CHST7: variants seen among roughly 807,000 people sequenced by gnomAD.
CHST7 encodes N-acetylglucosamine 6-O-sulfotransferase 4.
Under a neutral mutation model 9.0 loss-of-function variants are expected in CHST7, and 5 were observed. The ratio of observed to expected loss-of-function variants is 0.56; its 90% CI spans 0.29 to 1.17. The LOEUF is 1.17. CHST7 is among the 50% of genes most tolerant of loss of function. The pLI, the probability that CHST7 is intolerant of heterozygous loss-of-function variation, is 0.08. For missense variants in CHST7, 377 were observed against 485.1 expected (o/e 0.78, Z 2.09); for synonymous variants, 244 against 237.1 (o/e 1.03, Z -0.27).
At chrX:46,576,435 G>A (rs1942499957) in intron 1 of CHST7, among the ~76,000 whole-genome samples, 1 of 111,297 alleles carries the variant, frequency 9.0e-6, no homozygotes, top group African/African-American at 3.3e-5. Context: ...CCTCTTTTTT[G>A]TTTTTCCATT....
At chrX:46,588,321 C>A (rs1007214723) in intron 1 of CHST7, among the ~76,000 whole-genome samples, 3 of 111,283 alleles carry the variant, frequency 2.7e-5, no homozygotes, top group African/African-American at 9.8e-5. Context: ...AAATGGGGGG[C>A]ACAGGAAGGC....
intron 1 of CHST7, among the ~76,000 whole-genome samples, chrX:46,586,195 C>T (rs1214234039): frequency 8.9e-6 from 1 of 111,782 alleles, no homozygotes; most frequent in East Asian, 2.8e-4. Flanking sequence ...TGCTCTAGGC[C>T]ACGGAGCCAC....
chrX:46,578,674 C>T (rs1432100945), intron 1 of CHST7, among the ~76,000 whole-genome samples: 2 of 109,977 alleles, frequency 1.8e-5, no homozygotes, highest in East Asian at 2.9e-4. Context: ...TATCTGCCTG[C>T]CTCGGCCTCT....
intron 1 of CHST7, among the ~76,000 whole-genome samples, chrX:46,578,448 C>A (rs1942510136): frequency 9.3e-6 from 1 of 107,194 alleles, no homozygotes. Flanking sequence ...AATCTTTCAC[C>A]CAGGCTGGAG....
Position 46,574,112 on chromosome X carries a change from G to A in CHST7, c.181G>A (p.Ala61Thr). Residue 61 changes from alanine to threonine, a missense_variant, in exon 1 of 2, where the codon GCG becomes ACG. This residue lies in a region of CHST7 where 239 missense variants were observed against 325.7 expected (regional missense o/e 0.73). Coordinates refer to ENST00000276055, the MANE Select transcript of CHST7 (RefSeq NM_019886.4). ...SLGVWSLEAA[A>T]AGEREQGAEA... ...GGGAGTGTGGAGCCTGGAGGCGGCG[G>A]CGGCCGGCGAACGCGAGCAGGGAGC... 1.7e-6 allele frequency: 2 copies of A among 1,161,132 alleles called. No individual in the cohort carries two copies. Among genetic ancestry groups the A allele is most frequent in the East Asian group, 3.2e-5 (1 of 30,906 alleles).
intron 1 of CHST7, among the ~76,000 whole-genome samples, chrX:46,582,643 G>T: frequency 8.9e-6 from 1 of 111,915 alleles, no homozygotes; most frequent in Non-Finnish European, 1.9e-5. Flanking sequence ...TTGAAGAAAT[G>T]GATACATTTT....
intron 1 of CHST7, among the ~76,000 whole-genome samples, chrX:46,585,376 G>A (rs6611268): frequency 0.31 from 32,261 of 102,759 alleles, 5,180 homozygotes; most frequent in East Asian, 0.62. Flanking sequence ...TGCAACCTCC[G>A]CCTCCCGGGT....
At chrX:46,579,505 C>T (rs1466524855) in intron 1 of CHST7, among the ~76,000 whole-genome samples, 3 of 111,978 alleles carry the variant, frequency 2.7e-5, no homozygotes, top group African/African-American at 9.7e-5. Context: ...ATGACATATG[C>T]ATCCTTTGAA....
rs1314573401 is a variant in CHST7 at position 46,598,462 on chromosome X, C to T, written c.*734C>T. ...CATGGTTTGGGTAAAAGCTAGCCTA[C>T]ATACAAAGGAATATGAAGACTGTGG... On this transcript the variant is annotated 3_prime_UTR_variant, in exon 2 of 2. Coordinates refer to ENST00000276055, the MANE Select transcript of CHST7 (RefSeq NM_019886.4). The T allele has an allele frequency of 1.8e-5, 2 of 112,489 alleles. No homozygotes were observed. The highest frequency in any genetic ancestry group is 3.6e-4 in the South Asian group (1 of 2,741). 9.3% of individuals were successfully genotyped at this position (112,489 alleles called of 1,213,427 possible).
In CHST7 at chrX:46,598,495, T is replaced by C. The variant is rs1942609998; in HGVS notation, c.*767T>C. ...GGAATATGAAGACTGTGGAAGAAAC[T>C]GTATATTGGGTTTAAGAATTTCAGC... On this transcript the variant is annotated 3_prime_UTR_variant, in exon 2 of 2. Transcript: ENST00000276055. 8.9e-6 allele frequency: 1 copy of C among 112,399 alleles called. No individual in the cohort carries two copies. The highest frequency in any genetic ancestry group is 1.9e-5 in the Non-Finnish European group (1 of 53,302). 9.3% of individuals were successfully genotyped at this position (112,399 alleles called of 1,213,427 possible). A position where few individuals can be genotyped will look rare whatever the true frequency, so the allele number is the denominator to read the frequency against.
At position 46,574,606 on chromosome X, in the gene CHST7, C is replaced by G; in HGVS notation, c.675C>G (p.Cys225Trp). The G allele has an allele frequency of 8.3e-7, 1 of 1,204,165 alleles. No homozygotes were observed. The highest frequency in any genetic ancestry group is 3.0e-5 in the East Asian group (1 of 33,432). The change falls in exon 1 of 2, where the codon TGC becomes TGG. Residue 225 changes from cysteine to tryptophan, a missense_variant. Physicochemically the swap from Cys to Trp is radical, Grantham distance 215. Transcript: ENST00000276055. ...TGGGCCTCGTCGAGGACACCGCCTG[C>G]GAGCGCAGCTGCCCACCCGTGGCGA... ...AEVGLVEDTACERSCPPVAIR... is the reference protein window; with the variant it reads ...AEVGLVEDTAWERSCPPVAIR...
At chrX:46,591,507 T>C (rs1439853476) in intron 1 of CHST7, among the ~76,000 whole-genome samples, 2 of 110,260 alleles carry the variant, frequency 1.8e-5, no homozygotes, top group Non-Finnish European at 3.8e-5. Context: ...CCCCAGTAGC[T>C]GGGATTACAG....
chrX:46,588,801 CT>C lies in CHST7; in HGVS notation c.*32-8948del, dbSNP rs1217315752. Reference sequence around the variant, plus strand: ...GGAATGACCTCACATTTCAATGTCACTTTTTTTTTTTACAAAAAACCTTTTA... The same window carrying C: ...GGAATGACCTCACATTTCAATGTCACTTTTTTTTTTACAAAAAACCTTTTA... On this transcript the variant is annotated intron_variant, in intron 1 of 1. Coordinates refer to ENST00000276055, the MANE Select transcript of CHST7 (RefSeq NM_019886.4). 6.9e-3 allele frequency among the ~76,000 whole-genome samples: 728 copies of C among 104,873 alleles called. 4 individuals are homozygous for C. The highest frequency in any genetic ancestry group is 0.022 in the African/African-American group (642 of 29,140). The allele number at this position is 104,873 out of a possible 115,157, so 91.1% of individuals were successfully genotyped here.
At chrX:46,590,229 A>C (rs11796837) in intron 1 of CHST7, among the ~76,000 whole-genome samples, 9,614 of 109,237 alleles carry the variant, frequency 0.088, 456 homozygotes, top group Non-Finnish European at 0.14. Context: ...AGAGCTCAAC[A>C]TGTTGCACAA....
chrX:46,580,392 A>G (rs1176818026), intron 1 of CHST7, among the ~76,000 whole-genome samples: 1 of 111,318 alleles, frequency 9.0e-6, no homozygotes, highest in African/African-American at 3.3e-5. Flanking sequence ...GCTCCTATAT[A>G]GAATTTCTCA....
chrX:46,578,552 C>G (rs1240248304), intron 1 of CHST7, among the ~76,000 whole-genome samples: 1 of 100,231 alleles, frequency 1.0e-5, no homozygotes, highest in East Asian at 3.2e-4. Context: ...AGGTGCACAC[C>G]ACCACTCAAT....
At position 46,598,130 on chromosome X, in the gene CHST7, A is replaced by G. The variant is rs1942606148; in HGVS notation, c.*402A>G. 8.9e-6 allele frequency: 1 copy of G among 112,354 alleles called. No homozygotes were observed. Among genetic ancestry groups the G allele is most frequent in the Admixed American group, 9.5e-5 (1 of 10,534 alleles). 9.3% of individuals were successfully genotyped at this position (112,354 alleles called of 1,213,427 possible). A position where few individuals can be genotyped will look rare whatever the true frequency, so the allele number is the denominator to read the frequency against. ...TGTCTGGACGAAAACATCAATGTGA[A>G]TAAGGGCCAAGTGCAGTCCTGTCTT... is the stretch of plus-strand genomic sequence containing the variant. On this transcript the variant is annotated 3_prime_UTR_variant, in exon 2 of 2. Transcript: ENST00000276055.
At chrX:46,589,967 G>A (rs929069675) in intron 1 of CHST7, among the ~76,000 whole-genome samples, 8 of 111,906 alleles carry the variant, frequency 7.1e-5, no homozygotes, top group African/African-American at 2.3e-4. Flanking sequence ...CCCTCACCTT[G>A]TACTGCCAGC....
At position 46,574,456 on chromosome X, in the gene CHST7, G is replaced by C; in HGVS notation, c.525G>C (p.Gly175=). The stretch of plus-strand genomic sequence containing the variant: ...TGCTGCGGCTGTACGCGCCGCCGGG[G>C]GACCCCGCTGCGCGCGCCCCGGACA... The part of the protein sequence containing the change: ...FSVLRLYAPP[G]DPAARAPDTA... Residue 175 remains glycine, a synonymous_variant, in exon 1 of 2, where the codon GGG becomes GGC. Transcript: ENST00000276055. 1 of 1,206,958 alleles carries C rather than the reference G, an allele frequency of 8.3e-7. No homozygotes were observed. Among genetic ancestry groups the C allele is most frequent in the African/African-American group, 1.7e-5 (1 of 57,740 alleles).
Sources: gnomAD v4.1 joint callset for allele counts (sites outside exome capture counted in the v4.1 genomes callset) on GRCh38, gnomAD v4.1.1 for gene constraint, gnomAD v4.1.1 regional missense constraint, MANE v1.5 for transcripts, NCBI Gene and HGNC (gene_info 2026-07-23, HGNC 2026-07-21) for gene names.